AOPEP: variants seen among roughly 807,000 people sequenced by gnomAD.
AOPEP encodes aminopeptidase O.
Under a neutral mutation model 98.1 loss-of-function variants are expected in AOPEP, and 77 were observed. That is an observed-to-expected ratio of 0.78 (90% CI 0.65 to 0.95). The LOEUF (loss-of-function observed/expected upper bound fraction) is 0.95, where lower values mean the gene tolerates loss of function less well. Among genes scored for constraint, AOPEP ranks in the 40% least tolerant of loss-of-function variants. The pLI, the probability that AOPEP is intolerant of heterozygous loss-of-function variation, is 0.00. For missense variants in AOPEP, 1,024 were observed against 1,024.7 expected, an observed-to-expected ratio of 1.00 and a Z score of 0.01; for synonymous variants, 346 against 365.3, an observed-to-expected ratio of 0.95 and a Z score of 0.60.
intron 13 of AOPEP, among the ~76,000 whole-genome samples, chr9:95,015,679 T>A (rs1019362418): frequency 9.9e-5 from 15 of 152,250 alleles, no homozygotes; most frequent in African/African-American, 2.9e-4. Context: ...ACAGTTTGGA[T>A]CTCTATAAGG....
At chr9:95,003,234 T>C (rs1179712565) in intron 11 of AOPEP, among the ~76,000 whole-genome samples, 1 of 152,174 alleles carries the variant, frequency 6.6e-6, no homozygotes, top group African/African-American at 2.4e-5. Flanking sequence ...TTCAAATAAC[T>C]AGTACCCAGC....
At chr9:95,063,475 G>T (rs1019478799) in intron 14 of AOPEP, among the ~76,000 whole-genome samples, 5 of 152,092 alleles carry the variant, frequency 3.3e-5, no homozygotes, top group African/African-American at 1.2e-4. Context: ...TTAGATCTCC[G>T]CAGACTCCAC....
chr9:94,937,422 A>C (rs1006512532), intron 7 of AOPEP, among the ~76,000 whole-genome samples: 3 of 152,196 alleles, frequency 2.0e-5, no homozygotes, highest in African/African-American at 7.2e-5. Context: ...CACTAGTCAC[A>C]TTGGAATAGG....
chr9:95,010,470 A>G (rs1012611010), intron 13 of AOPEP, among the ~76,000 whole-genome samples: 1 of 152,078 alleles, frequency 6.6e-6, no homozygotes, highest in Admixed American at 6.5e-5. Flanking sequence ...TGTAGGAACT[A>G]CCCCGCTTTC....
intron 5 of AOPEP, among the ~76,000 whole-genome samples, chr9:94,870,248 C>G (rs1208954091): frequency 1.3e-5 from 2 of 152,148 alleles, no homozygotes; most frequent in African/African-American, 4.8e-5. Context: ...CCTCCGCCTC[C>G]CAAAGTGTTG....
chr9:95,052,256 T>A (rs918987987), intron 13 of AOPEP, among the ~76,000 whole-genome samples: 3 of 152,212 alleles, frequency 2.0e-5, no homozygotes, highest in African/African-American at 7.2e-5. Context: ...TGGGGGTAGA[T>A]AGCACATGAC....
intron 3 of AOPEP, among the ~76,000 whole-genome samples, chr9:94,773,681 C>T (rs186032437): frequency 1.8e-4 from 27 of 152,314 alleles, no homozygotes; most frequent in Admixed American, 1.6e-3. Flanking sequence ...AGTGCTAATG[C>T]ATCATCAAGG....
chr9:94,919,157 G>C (rs969641926), intron 5 of AOPEP, among the ~76,000 whole-genome samples: 1 of 151,988 alleles, frequency 6.6e-6, no homozygotes, highest in Non-Finnish European at 1.5e-5. Context: ...CTTGTGATCT[G>C]CCCACCTCAG....
intron 10 of AOPEP, among the ~76,000 whole-genome samples, chr9:94,970,468 A>T (rs918605414): frequency 3.9e-5 from 6 of 152,162 alleles, no homozygotes; most frequent in African/African-American, 1.4e-4. Flanking sequence ...ATCATAAAGG[A>T]TTAACATACA....
chr9:95,046,420 CTTCT>C (rs1204489329), intron 13 of AOPEP, among the ~76,000 whole-genome samples: 1 of 152,132 alleles, frequency 6.6e-6, no homozygotes, highest in Non-Finnish European at 1.5e-5. Flanking sequence ...TTTTGTAAAA[CTTCT>C]TTATTTCTGT....
the AOPEP span, chr9:95,123,865 G>A: frequency 1.9e-5 from 11 of 582,592 alleles, no homozygotes; most frequent in Admixed American, 8.0e-5. Context: ...CAAAGCCCAC[G>A]TAAGGAGTTG....
chr9:95,100,283 C>T, the AOPEP span: 1 of 232,852 alleles, frequency 4.3e-6, no homozygotes, highest in Non-Finnish European at 8.5e-6. Flanking sequence ...CACCAAAATA[C>T]TTTACCAGCA....
intron 10 of AOPEP, 36 bp downstream of exon 10, chr9:94,967,837 C>A: frequency 6.4e-7 from 1 of 1,551,408 alleles, no homozygotes; most frequent in Non-Finnish European, 8.9e-7. Flanking sequence ...AATTAAGAGC[C>A]CAGTTTTAAT....
intron 5 of AOPEP, among the ~76,000 whole-genome samples, chr9:94,821,810 ATG>A (rs1280235860): frequency 6.6e-6 from 1 of 152,190 alleles, no homozygotes; most frequent in African/African-American, 2.4e-5. Flanking sequence ...CAAGCAATAG[ATG>A]TGATTTATCT....
chr9:95,113,675 T>C, the AOPEP span: 1 of 150,476 alleles, frequency 6.6e-6, no homozygotes, highest in African/African-American at 2.5e-5. Context: ...CAGGCTGGAG[T>C]GCAGTGGCAC....
chr9:94,800,587 T>A (rs543949038), intron 4 of AOPEP, among the ~76,000 whole-genome samples, 170 bp from the exon 5 acceptor site: 134 of 152,314 alleles, frequency 8.8e-4, no homozygotes, highest in African/African-American at 3.2e-3. Context: ...GTCCTGTAAA[T>A]TTTCACTGCT....
chr9:95,050,242 G>A (rs1397353678), intron 13 of AOPEP, among the ~76,000 whole-genome samples: 1 of 152,216 alleles, frequency 6.6e-6, no homozygotes, highest in Non-Finnish European at 1.5e-5. Context: ...AGCCTTTTCT[G>A]TCCTATGTAA....
intron 13 of AOPEP, among the ~76,000 whole-genome samples, chr9:95,026,555 A>G (rs74895841): frequency 0.039 from 5,877 of 152,252 alleles, 383 homozygotes; most frequent in African/African-American, 0.13. Flanking sequence ...ACAGTATTCC[A>G]TTTTATGGTT....
At chr9:94,975,939 C>G (rs574859136) in intron 10 of AOPEP, among the ~76,000 whole-genome samples, 1 of 152,364 alleles carries the variant, frequency 6.6e-6, no homozygotes, top group Non-Finnish European at 1.5e-5. Context: ...CATTCCTGCT[C>G]CTGCTATCTT....
Sources: gnomAD v4.1 joint callset for allele counts (sites outside exome capture counted in the v4.1 genomes callset) on GRCh38, gnomAD v4.1.1 for gene constraint, MANE v1.5 for transcripts, NCBI Gene and HGNC (gene_info 2026-07-23, HGNC 2026-07-21) for gene names.